DIAPH2: variants seen among roughly 807,000 people sequenced by gnomAD.
The protein encoded by DIAPH2 is protein diaphanous homolog 2.
A neutral mutation model predicts 92.7 loss-of-function variants in DIAPH2; 35 were observed. That is an observed-to-expected ratio of 0.38 (90% confidence interval 0.29 to 0.50). DIAPH2 has a LOEUF of 0.50. Ranked by LOEUF, DIAPH2 falls within the 20% of genes least tolerant of loss-of-function variation. The probability of loss-of-function intolerance (pLI) is 0.94; values close to 1 mark genes in which losing one functional copy is unlikely to be tolerated. For synonymous variants in DIAPH2, 301 were observed against 280.4 expected (o/e 1.07, Z -0.73); for missense variants, 701 against 819.5 (o/e 0.86, Z 1.77).
At chrX:97,341,501 A>G (rs2069113707) in intron 23 of DIAPH2, among the ~76,000 whole-genome samples, 1 of 110,311 alleles carries the variant, frequency 9.1e-6, no homozygotes, top group Non-Finnish European at 1.9e-5. Flanking sequence ...TTTATATAAA[A>G]TAAGAATATT....
chrX:96,932,669 A>G (rs912253572), intron 10 of DIAPH2, among the ~76,000 whole-genome samples: 2 of 111,444 alleles, frequency 1.8e-5, no homozygotes, highest in Non-Finnish European at 3.8e-5. Context: ...AAATAGTTGT[A>G]TATATTTGTG....
chrX:97,476,994 C>T (rs1454281366), intron 26 of DIAPH2, among the ~76,000 whole-genome samples: 113 of 82,226 alleles, frequency 1.4e-3, no homozygotes, highest in Middle Eastern at 6.4e-3. Flanking sequence ...TACACACACA[C>T]ACACACACAC....
chrX:97,045,045 G>C (rs749762445), intron 17 of DIAPH2, among the ~76,000 whole-genome samples: 1 of 111,704 alleles, frequency 9.0e-6, no homozygotes, highest in Non-Finnish European at 1.9e-5. Flanking sequence ...ATACTCTCCT[G>C]GGTTTCCTCC....
intron 3 of DIAPH2, among the ~76,000 whole-genome samples, chrX:96,749,145 A>ATATAT (rs1556122921): frequency 2.8e-4 from 22 of 79,802 alleles, no homozygotes; most frequent in African/African-American, 9.7e-4. Context: ...AAAAAAAAAA[A>ATATAT]ATATATATAT....
rs1220504741 is a variant in DIAPH2, at chrX:97,599,315, T to C, written c.3304T>C (p.Ter1102ArgextTer12). The C allele has an allele frequency of 1.7e-6, 2 of 1,163,360 alleles. No homozygotes were observed. The highest frequency in any genetic ancestry group is 3.5e-5 in the African/African-American group (2 of 56,821). ...SRHNGAISSK* is the reference protein window; with the variant it reads ...SRHNGAISSKR ...CCACAATGGAGCTATCTCATCTAAG[T>C]GATTCCTGATGCCAAAGAATATGAA... The change falls in exon 27 of 27, where the codon TGA (stop) becomes CGA (arginine). Residue 1102 changes from the stop codon to arginine (R), a stop_lost. Transcript: ENST00000324765.
intron 25 of DIAPH2, among the ~76,000 whole-genome samples, chrX:97,416,039 GAAGT>G (rs1159449537): frequency 7.2e-5 from 8 of 111,673 alleles, no homozygotes. Flanking sequence ...TCAACAGACA[GAAGT>G]AAGTCTGCTA....
At chrX:97,199,014 G>A (rs1229801549) in intron 22 of DIAPH2, among the ~76,000 whole-genome samples, 1 of 110,090 alleles carries the variant, frequency 9.1e-6, no homozygotes. Flanking sequence ...CACAAGCAGA[G>A]AAGTAAGTGC....
intron 26 of DIAPH2, among the ~76,000 whole-genome samples, chrX:97,533,005 T>G (rs1240315616): frequency 8.9e-6 from 1 of 111,879 alleles, no homozygotes; most frequent in Non-Finnish European, 1.9e-5. Context: ...TCTATTTTTT[T>G]TTTTACATTT....
At chrX:96,812,827 G>A (rs928386702) in intron 4 of DIAPH2, among the ~76,000 whole-genome samples, 3 of 111,633 alleles carry the variant, frequency 2.7e-5, no homozygotes, top group African/African-American at 9.8e-5. Context: ...GTAGTTGTGT[G>A]GTTTTGAGTG....
chrX:96,710,895 C>G (rs771292543), intron 1 of DIAPH2, among the ~76,000 whole-genome samples: 3 of 111,233 alleles, frequency 2.7e-5, no homozygotes, highest in East Asian at 5.6e-4. Context: ...ACCTTTGCAT[C>G]CTCATAGCTT....
chrX:97,575,620 A>T (rs1389708207), intron 26 of DIAPH2, among the ~76,000 whole-genome samples: 1 of 112,049 alleles, frequency 8.9e-6, no homozygotes, highest in African/African-American at 3.2e-5. Context: ...AGGAGGGAAT[A>T]GGATGAAAGG....
intron 25 of DIAPH2, among the ~76,000 whole-genome samples, chrX:97,398,997 G>A (rs543679092): frequency 5.4e-4 from 60 of 110,559 alleles, no homozygotes; most frequent in African/African-American, 1.9e-3. Context: ...CACCTGCCTC[G>A]GCCTCCCAAA....
chrX:96,884,636 G>T, intron 5 of DIAPH2: 1 of 1,210,693 alleles, frequency 8.3e-7, no homozygotes. Flanking sequence ...CAGTGGTTTG[G>T]TAGAGAGAAA....
chrX:97,380,002 G>A (rs991380530), intron 24 of DIAPH2, among the ~76,000 whole-genome samples: 1 of 109,577 alleles, frequency 9.1e-6, no homozygotes, highest in Non-Finnish European at 1.9e-5. Context: ...GACATTTTTA[G>A]TCTGTAGGTC....
In DIAPH2 at chrX:97,108,864, G is replaced by T. The variant is rs182490226; in HGVS notation, c.2350-5862G>T. ...ATATATTTCTTAATTTTGAATGAGA[G>T]AAATTTTACGTTGGGTTTGGGGGAA... On this transcript the variant is annotated intron_variant, in intron 20 of 26. Transcript: ENST00000324765. Among the ~76,000 whole-genome samples, 4 of 111,473 alleles carry T rather than the reference G, an allele frequency of 3.6e-5. No homozygotes were observed. In the East Asian group the frequency reaches 1.1e-3, roughly 31 times the overall value.
intron 19 of DIAPH2, among the ~76,000 whole-genome samples, chrX:97,096,768 G>C (rs940734105): frequency 2.7e-5 from 3 of 111,913 alleles, no homozygotes; most frequent in Non-Finnish European, 5.6e-5. Context: ...ATCTGACCAC[G>C]TTGGGGATGA....
intron 1 of DIAPH2, among the ~76,000 whole-genome samples, chrX:96,723,604 T>A (rs1479547713): frequency 8.9e-6 from 1 of 112,117 alleles, no homozygotes. Flanking sequence ...TAATAAGGTT[T>A]TTTAAAGCTG....
chrX:97,227,125 A>T (rs369698204), intron 22 of DIAPH2, among the ~76,000 whole-genome samples: 2 of 110,797 alleles, frequency 1.8e-5, no homozygotes, highest in East Asian at 2.9e-4. Context: ...ATTTTTAAAA[A>T]TGAGCCGGGC....
In DIAPH2 at chrX:97,601,375, C is replaced by G. The variant is rs772289350; in HGVS notation, c.*2058C>G. 4.6e-5 allele frequency: 5 copies of G among 109,467 alleles called. No homozygotes were observed. Among genetic ancestry groups the G allele is most frequent in the African/African-American group, 1.7e-4 (5 of 30,254 alleles). The allele number at this position is 109,467 out of a possible 1,213,427, so 9.0% of individuals were successfully genotyped here. A position where few individuals can be genotyped will look rare whatever the true frequency, so the allele number is the denominator to read the frequency against. ...TTATTTTCTAGTTTGTGAACAAGAA[C>G]GAATGAAGTACTATTATTGATAACT... On this transcript the variant is annotated 3_prime_UTR_variant, in exon 27 of 27. Coordinates refer to ENST00000324765, the MANE Select transcript of DIAPH2 (RefSeq NM_006729.5).
Sources: allele counts gnomAD v4.1 joint callset (sites outside exome capture counted in the v4.1 genomes callset), GRCh38; gene constraint gnomAD v4.1.1; transcripts MANE v1.5; gene names NCBI Gene and HGNC (gene_info 2026-07-23, HGNC 2026-07-21).